The following IKBKE variants were observed in gnomAD, a reference collection of about 807,000 sequenced individuals.
IKBKE encodes inhibitor of nuclear factor kappa B kinase subunit epsilon, also known as inhibitor of nuclear factor kappa-B kinase subunit epsilon.
IKBKE carries 45 observed loss-of-function variants against 92.1 expected under a neutral mutation model. The ratio of observed to expected loss-of-function variants is 0.49; its 90% CI spans 0.38 to 0.63. The LOEUF is 0.63. Among genes scored for constraint, IKBKE ranks in the 20% least tolerant of loss-of-function variants. The pLI is 0.00. For missense variants in IKBKE, 700 were observed against 932.8 expected (o/e 0.75, Z 3.25); for synonymous variants, 374 against 380.3 (o/e 0.98, Z 0.19).
In IKBKE at chr1:206,491,683, A is replaced by T; in HGVS notation, c.1769A>T (p.Gln590Leu). The T allele has an allele frequency of 6.2e-7, 1 of 1,613,538 alleles. No homozygotes were observed. Among genetic ancestry groups the T allele is most frequent in the Non-Finnish European group, 8.5e-7 (1 of 1,179,592 alleles). ...AGTCATTTAGCCAAAAGACTCCTGC[A>T]GGTGTTCCAGGAGGAGTGCGTGCAG... ...NFSHLAKRLL[Q>L]VFQEECVQKY... Residue 590 changes from glutamine (Q) to leucine (L), a missense_variant, in exon 18 of 22, where the codon CAG becomes CTG. Coordinates refer to ENST00000581977, the MANE Select transcript of IKBKE (RefSeq NM_014002.4).
intron 10 of IKBKE, 57 bp from the exon 11 acceptor site, chr1:206,479,813 G>T: frequency 6.4e-7 from 1 of 1,568,210 alleles, no homozygotes; most frequent in South Asian, 1.1e-5. Context: ...AATAATGAAA[G>T]ATAAGCCGAC....
intron 2 of IKBKE, 92 bp from the exon 3 acceptor site, chr1:206,473,104 G>A (rs1294348518): frequency 2.7e-6 from 2 of 732,838 alleles, no homozygotes; most frequent in Admixed American, 2.4e-5. Flanking sequence ...CCCTTCTTAG[G>A]GTAGCCTTGG....
At position 206,471,251 on chromosome 1, in the gene IKBKE, T is replaced by C. The variant is rs920551945; in HGVS notation, c.-33+6T>C. On this transcript the variant is annotated splice_donor_region_variant and intron_variant, in intron 2 of 21. Transcript: ENST00000581977. ...AGGGCAGCTCAGAGTGTGGGGTAAG[T>C]GCACTTGGCCACAGCAGAGCCCTGA... The C allele has an allele frequency of 1.3e-5, 2 of 151,110 alleles. No individual in the cohort carries two copies. Among genetic ancestry groups the C allele is most frequent in the African/African-American group, 4.9e-5 (2 of 41,044 alleles). The allele number at this position is 151,110 out of a possible 1,614,324, so 9.4% of individuals were successfully genotyped here.
intron 10 of IKBKE, 131 bp from the exon 11 acceptor site, chr1:206,479,738 AG>A: frequency 1.1e-6 from 1 of 947,380 alleles, no homozygotes; most frequent in South Asian, 1.4e-5. Flanking sequence ...GCAAGGTGGG[AG>A]GCTCAGGGTG....
In IKBKE at chr1:206,487,950, C is replaced by T. The variant is rs782208089; in HGVS notation, c.1653C>T (p.Asn551=). 8 of 1,613,720 alleles carry T rather than the reference C, an allele frequency of 5.0e-6. No homozygotes were observed. In the East Asian group the frequency reaches 1.8e-4, roughly 36 times the overall value. ...TTCAGTGCTGTTTGGACAAGATGAA[C>T]TTCATCTACAAACAGTTCAAGAAGT... ...QQIQCCLDKM[N]FIYKQFKKSR... Residue 551 remains asparagine (N), a synonymous_variant, in exon 16 of 22, where the codon AAC becomes AAT. Transcript: ENST00000581977. The surrounding 1 kb of genome is among the most constrained non-coding windows in gnomAD (Gnocchi z 5.3).
chr1:206,477,439 G>A (rs1437228270), intron 7 of IKBKE, among the ~76,000 whole-genome samples: 3 of 152,174 alleles, frequency 2.0e-5, no homozygotes, highest in Non-Finnish European at 4.4e-5. Flanking sequence ...AGAAAGAGGA[G>A]AGGATACTGG....
intron 13 of IKBKE, among the ~76,000 whole-genome samples, chr1:206,481,765 G>GTTTTT (rs1553387096): frequency 8.5e-6 from 1 of 117,968 alleles, no homozygotes; most frequent in African/African-American, 3.3e-5. Flanking sequence ...GAAGGATGAG[G>GTTTTT]CTTTTTTTTT....
Position 206,474,052 on chromosome 1 carries a change from C to A in IKBKE, c.88-279C>A, listed in dbSNP as rs569592050. Among the ~76,000 whole-genome samples, 45 of 152,036 alleles carry A rather than the reference C, an allele frequency of 3.0e-4. No individual in the cohort carries two copies. In the South Asian group the frequency reaches 9.4e-3, roughly 32 times the overall value. The stretch of plus-strand genomic sequence containing the variant: ...GCTAACCCCAGGGAGTGTTAGCTGC[C>A]CTGTGATGATTGTCAATAGCAATTG... On this transcript the variant is annotated intron_variant, in intron 3 of 21. Transcript: ENST00000581977.
Position 206,488,006 on chromosome 1 carries a change from G to A in IKBKE, c.1693+16G>A, listed in dbSNP as rs199881022. 2.9e-5 allele frequency: 46 copies of A among 1,585,542 alleles called. No homozygotes were observed. In the African/African-American group the frequency reaches 4.3e-4, roughly 15 times the overall value. Reference sequence around the variant, plus strand: ...ATGAGGCCAGGTGAGCCCGGGGAGGGCAGATGCCCCTTCTCTCTCCTCTGT... The same window carrying A: ...ATGAGGCCAGGTGAGCCCGGGGAGGACAGATGCCCCTTCTCTCTCCTCTGT... On this transcript the variant is annotated intron_variant, in intron 16 of 21. Coordinates refer to ENST00000581977, the MANE Select transcript of IKBKE (RefSeq NM_014002.4).
rs1246284493 is a variant in IKBKE at position 206,494,070 on chromosome 1, G to A, written c.2117+79G>A. ...CCTGGGGGTGGTGAAGAGTCCCCAA[G>A]CCTGCCCATGCAGGTTTGATGACAC... On this transcript the variant is annotated intron_variant, in intron 21 of 21. Transcript: ENST00000581977. 7.5e-6 allele frequency: 9 copies of A among 1,198,816 alleles called. No individual in the cohort carries two copies. In the African/African-American group the frequency reaches 9.0e-5, roughly 12 times the overall value. 74.3% of individuals were successfully genotyped at this position (1,198,816 alleles called of 1,614,324 possible).
chr1:206,487,301 C>T lies in IKBKE; in HGVS notation c.1617-613C>T, dbSNP rs1558481817. Among the ~76,000 whole-genome samples, 2 of 152,192 alleles carry T rather than the reference C, an allele frequency of 1.3e-5. No individual in the cohort carries two copies. The highest frequency in any genetic ancestry group is 2.9e-5 in the Non-Finnish European group (2 of 68,024). ...AGGGGAAGGAAGAAATAATAATGAC[C>T]TTCAACCCCAGAACAAGAAAGTCCT... On this transcript the variant is annotated intron_variant, in intron 15 of 21. Transcript: ENST00000581977. The surrounding 1 kb of genome is among the most constrained non-coding windows in gnomAD (Gnocchi z 5.3).
rs560512115 is a variant in IKBKE at position 206,483,311 on chromosome 1, G to A, written c.1428-1686G>A. Among the ~76,000 whole-genome samples the A allele has an allele frequency of 2.5e-4, 38 of 152,334 alleles. No individual in the cohort carries two copies. The South Asian group carries it at 7.9e-3, about 32-fold the overall frequency. ...ATAGCAAATGCCAGGACTAGGACTC[G>A]AACCCATGTCTCCTGACTCCCTGTG... On this transcript the variant is annotated intron_variant, in intron 13 of 21. Transcript: ENST00000581977.
At chr1:206,481,441 G>T (rs1326999224) in intron 13 of IKBKE, among the ~76,000 whole-genome samples, 1 of 152,222 alleles carries the variant, frequency 6.6e-6, no homozygotes, top group African/African-American at 2.4e-5. Context: ...TGGGGCAGCT[G>T]GGAGGTGGAG....
chr1:206,475,883 C>A (rs1553385143), intron 5 of IKBKE, among the ~76,000 whole-genome samples: 1 of 152,054 alleles, frequency 6.6e-6, no homozygotes, highest in Non-Finnish European at 1.5e-5. Context: ...TATTTTACCA[C>A]AATTGAACAC....
rs1190558394 is a variant in IKBKE at position 206,496,326 on chromosome 1, C to G, written c.*181C>G. 1.6e-6 allele frequency: 1 copy of G among 608,252 alleles called. No homozygotes were observed. Among genetic ancestry groups the G allele is most frequent in the Non-Finnish European group, 3.0e-6 (1 of 337,678 alleles). The allele number at this position is 608,252 out of a possible 1,614,324, so 37.7% of individuals were successfully genotyped here. A position where few individuals can be genotyped will look rare whatever the true frequency, so the allele number is the denominator to read the frequency against. On this transcript the variant is annotated 3_prime_UTR_variant, in exon 22 of 22. Transcript: ENST00000581977. ...CTGCCTTTCTCCCTGGGAAGCAGCACAGCTGAGACTGGGCACCAGGCCACC... is the reference window on the plus strand; with the variant it reads ...CTGCCTTTCTCCCTGGGAAGCAGCAGAGCTGAGACTGGGCACCAGGCCACC...
At position 206,487,797 on chromosome 1, in the gene IKBKE, C is replaced by T. The variant is rs1572259930; in HGVS notation, c.1617-117C>T. ...GCCACCTCCACTCCCAGACTGATCC[C>T]CCAAAACTGTGGCTGTGAGGCTCCT... On this transcript the variant is annotated intron_variant, in intron 15 of 21. Coordinates refer to ENST00000581977, the MANE Select transcript of IKBKE (RefSeq NM_014002.4). The surrounding 1 kb of genome is among the most constrained non-coding windows in gnomAD (Gnocchi z 5.3). 1.0e-5 allele frequency: 8 copies of T among 764,972 alleles called. No homozygotes were observed. The highest frequency in any genetic ancestry group is 8.3e-5 in the South Asian group (5 of 60,228). The allele number at this position is 764,972 out of a possible 1,614,324, so 47.4% of individuals were successfully genotyped here.
At chr1:206,474,616 G>C in intron 4 of IKBKE, 145 bp downstream of exon 4, 1 of 913,696 alleles carries the variant, frequency 1.1e-6, no homozygotes, top group African/African-American at 1.7e-5. Flanking sequence ...GAGCAAAGGG[G>C]GCAAGGGGGT....
In IKBKE at chr1:206,478,121, GC is replaced by G; in HGVS notation, c.813-34del. 6.3e-7 allele frequency: 1 copy of G among 1,590,500 alleles called. No homozygotes were observed. The highest frequency in any genetic ancestry group is 8.6e-7 in the Non-Finnish European group (1 of 1,164,330). On this transcript the variant is annotated intron_variant, in intron 8 of 21. Transcript: ENST00000581977. This position sits in a 1 kb window ranked among gnomAD's most constrained non-coding sequence, Gnocchi z 4.8. ...GCCTGCTTAAGGAGGATAGGTCTGG[GC>G]CCCCACCCCTGACAGTCTCCATGTC... is the stretch of plus-strand genomic sequence containing the variant.
Position 206,476,436 on chromosome 1 carries a change from A to G in IKBKE, c.540+74A>G. 6.8e-7 allele frequency: 1 copy of G among 1,471,742 alleles called. No individual in the cohort carries two copies. The highest frequency in any genetic ancestry group is 9.3e-7 in the Non-Finnish European group (1 of 1,073,850). The allele number at this position is 1,471,742 out of a possible 1,614,324, so 91.2% of individuals were successfully genotyped here. On this transcript the variant is annotated intron_variant, in intron 6 of 21. Transcript: ENST00000581977. This position sits in a 1 kb window ranked among gnomAD's most constrained non-coding sequence, Gnocchi z 5.1. ...GCCTTGTGAGCCCCCCAGAGCCCCC[A>G]TGAGGGGGTGTGGCCCACCTCCTGC...
Sources: gnomAD v4.1 joint callset for allele counts (sites outside exome capture counted in the v4.1 genomes callset) on GRCh38, gnomAD v4.1.1 for gene constraint, Gnocchi (gnomAD v3.1) non-coding constraint, MANE v1.5 for transcripts, NCBI Gene and HGNC (gene_info 2026-07-23, HGNC 2026-07-21) for gene names.